The following PLEKHH2 variants were observed in gnomAD, a reference collection of about 807,000 sequenced individuals.
PLEKHH2 encodes pleckstrin homology, MyTH4 and FERM domain containing H2, also known as pleckstrin homology domain-containing family H member 2.
A neutral mutation model predicts 187.9 loss-of-function variants in PLEKHH2; 129 were observed. The ratio of observed to expected loss-of-function variants is 0.69; its 90% CI spans 0.59 to 0.79. The LOEUF is 0.79. Ranked by LOEUF, PLEKHH2 falls within the 30% of genes least tolerant of loss-of-function variation. PLEKHH2 has a pLI of 0.00. For synonymous variants in PLEKHH2, 686 were observed against 605.6 expected (o/e 1.13, Z -1.95); for missense variants, 2,076 against 1,751.2 (o/e 1.19, Z -3.31).
intron 16 of PLEKHH2, among the ~76,000 whole-genome samples, chr2:43,722,564 A>T (rs1161989995): frequency 6.6e-6 from 1 of 152,198 alleles, no homozygotes; most frequent in African/African-American, 2.4e-5. Flanking sequence ...TCTCACAGGA[A>T]ACTCTAACTG....
rs111734015 is a variant in PLEKHH2 at position 43,650,650 on chromosome 2, C to CTTTTTT, written c.123+5862_123+5867dup. Reference sequence around the variant, plus strand: ...CATTACCTTTCTTCTTTTCTTTTTTCTTTTTTTTTTTTTAAGTTGAAGTCT... The same window carrying CTTTTTT: ...CATTACCTTTCTTCTTTTCTTTTTTCTTTTTTTTTTTTTTTTTTTAAGTTGAAGTCT... On this transcript the variant is annotated intron_variant, in intron 2 of 29. Coordinates refer to ENST00000282406, the MANE Select transcript of PLEKHH2 (RefSeq NM_172069.4). Among the ~76,000 whole-genome samples the CTTTTTT allele has an allele frequency of 1.9e-4, 27 of 141,492 alleles. No individual in the cohort carries two copies. The South Asian group carries it at 4.0e-3, about 21-fold the overall frequency. The allele number at this position is 141,492 out of a possible 152,430, so 92.8% of individuals were successfully genotyped here.
chr2:43,668,924 A>C (rs895069088), intron 2 of PLEKHH2, among the ~76,000 whole-genome samples: 7 of 152,218 alleles, frequency 4.6e-5, no homozygotes, highest in Non-Finnish European at 1.0e-4. Context: ...GATATTATGC[A>C]CAAAGGTGGG....
chr2:43,663,886 CT>C (rs1368253346), intron 2 of PLEKHH2, among the ~76,000 whole-genome samples: 5 of 93,270 alleles, frequency 5.4e-5, no homozygotes, highest in Non-Finnish European at 2.2e-5. Flanking sequence ...GAGAGCTTTA[CT>C]TCCAACTATG....
intron 15 of PLEKHH2, among the ~76,000 whole-genome samples, chr2:43,715,917 G>T (rs1344869356): frequency 6.6e-6 from 1 of 152,138 alleles, no homozygotes; most frequent in Admixed American, 6.5e-5. Flanking sequence ...GTAGGGCAGG[G>T]GAGAGCAGGG....
In PLEKHH2 at chr2:43,703,738, C is replaced by G. The variant is rs116786535; in HGVS notation, c.1651-243C>G. Among the ~76,000 whole-genome samples the G allele has an allele frequency of 5.8e-3, 879 of 152,046 alleles. 8 individuals are homozygous for G. Among genetic ancestry groups the G allele is most frequent in the African/African-American group, 0.02 (835 of 41,446 alleles). On this transcript the variant is annotated intron_variant, in intron 8 of 29. Transcript: ENST00000282406. Reference sequence around the variant, plus strand: ...TCTTCACGTCTTCAAAATAATTTATCAAACAAAAATGTGGGAAAAAGATAA... The same window carrying G: ...TCTTCACGTCTTCAAAATAATTTATGAAACAAAAATGTGGGAAAAAGATAA...
At chr2:43,703,426 C>G (rs1669486771) in intron 8 of PLEKHH2, among the ~76,000 whole-genome samples, 1 of 152,184 alleles carries the variant, frequency 6.6e-6, no homozygotes, top group African/African-American at 2.4e-5. Context: ...ATCTCTTCTA[C>G]TTGAGTGAAA....
At chr2:43,701,223 C>T (rs1421959986) in intron 8 of PLEKHH2, among the ~76,000 whole-genome samples, 1 of 152,222 alleles carries the variant, frequency 6.6e-6, no homozygotes, top group East Asian at 1.9e-4. Context: ...GCTACTGAAG[C>T]CATGCCCCTC....
At chr2:43,727,131 G>A (rs1026046551) in intron 17 of PLEKHH2, among the ~76,000 whole-genome samples, 4 of 152,174 alleles carry the variant, frequency 2.6e-5, no homozygotes, top group South Asian at 2.1e-4. Flanking sequence ...ACAAAAGGGC[G>A]GGCTGGGTGC....
At position 43,700,329 on chromosome 2, in the gene PLEKHH2, C is replaced by A; in HGVS notation, c.1371C>A (p.His457Gln). 1 of 1,614,110 alleles carries A rather than the reference C, an allele frequency of 6.2e-7. No individual in the cohort carries two copies. The highest frequency in any genetic ancestry group is 1.1e-5 in the South Asian group (1 of 91,078). The change falls in exon 8 of 30, where the codon CAC becomes CAA. Residue 457 changes from histidine to glutamine, a missense_variant. His to Gln is a conservative substitution (Grantham distance 24). Coordinates refer to ENST00000282406, the MANE Select transcript of PLEKHH2 (RefSeq NM_172069.4). The part of the protein sequence containing the change: ...FSISVALAKR[H>Q]LSQPQLSSDR... ...TAAGTGTAGCACTAGCCAAAAGGCACTTAAGCCAGCCACAGTTAAGCTCTG... is the reference window on the plus strand; with the variant it reads ...TAAGTGTAGCACTAGCCAAAAGGCAATTAAGCCAGCCACAGTTAAGCTCTG...
intron 19 of PLEKHH2, among the ~76,000 whole-genome samples, chr2:43,737,904 C>T (rs1671371959): frequency 6.6e-6 from 1 of 152,046 alleles, no homozygotes; most frequent in Non-Finnish European, 1.5e-5. Context: ...CCACACTTCA[C>T]ATGTTCAGGA....
intron 27 of PLEKHH2, among the ~76,000 whole-genome samples, chr2:43,760,810 C>G (rs1186713850): frequency 6.6e-6 from 1 of 152,242 alleles, no homozygotes; most frequent in African/African-American, 2.4e-5. Flanking sequence ...CTCCTCCCAG[C>G]CCTGGCAACT....
intron 3 of PLEKHH2, among the ~76,000 whole-genome samples, chr2:43,685,789 G>C (rs917351320): frequency 1.6e-4 from 25 of 152,156 alleles, no homozygotes; most frequent in African/African-American, 5.8e-4. Flanking sequence ...TGGAAGCAAT[G>C]TGATCAAATC....
chr2:43,638,742 C>T (rs76705043), intron 1 of PLEKHH2, among the ~76,000 whole-genome samples: 2 of 151,952 alleles, frequency 1.3e-5, no homozygotes, highest in Non-Finnish European at 2.9e-5. Context: ...AAAAGGATGG[C>T]GGATATTGTT....
At chr2:43,710,876 AG>A in intron 14 of PLEKHH2, 2 of 1,138,700 alleles carry the variant, frequency 1.8e-6, no homozygotes, top group Non-Finnish European at 2.2e-6. Context: ...ATTTTAAGGA[AG>A]GGTTATCTGG....
chr2:43,706,927 G>A (rs189634810), intron 10 of PLEKHH2, among the ~76,000 whole-genome samples: 7 of 152,298 alleles, frequency 4.6e-5, no homozygotes, highest in Admixed American at 2.0e-4. Context: ...GCTGGGCACG[G>A]TGGCTCACGC....
rs763777313 is a variant in PLEKHH2 at position 43,760,359 on chromosome 2, C to CTTTTTTT, written c.4071+1345_4071+1351dup. Reference sequence around the variant, plus strand: ...CACATAATGAAATTTACCCTTTAACCTTTTTTTTTTTTTTTTTTTTTGAGA... The same window carrying CTTTTTTT: ...CACATAATGAAATTTACCCTTTAACCTTTTTTTTTTTTTTTTTTTTTTTTTTTTGAGA... On this transcript the variant is annotated intron_variant, in intron 27 of 29. Transcript: ENST00000282406. Among the ~76,000 whole-genome samples, 9 of 119,076 alleles carry CTTTTTTT rather than the reference C, an allele frequency of 7.6e-5. 1 individual carries two copies. Among genetic ancestry groups the CTTTTTTT allele is most frequent in the Admixed American group, 1.8e-4 (2 of 11,190 alleles). 78.1% of individuals were successfully genotyped at this position (119,076 alleles called of 152,430 possible). A position where few individuals can be genotyped will look rare whatever the true frequency, so the allele number is the denominator to read the frequency against.
rs75250841 is a variant in PLEKHH2, at chr2:43,722,639, C to T, written c.2541+1890C>T. Among the ~76,000 whole-genome samples, 1,274 of 152,212 alleles carry T rather than the reference C, an allele frequency of 8.4e-3. 17 individuals carry two copies. Among genetic ancestry groups the T allele is most frequent in the African/African-American group, 0.029 (1,204 of 41,524 alleles). On this transcript the variant is annotated intron_variant, in intron 16 of 29. Coordinates refer to ENST00000282406, the MANE Select transcript of PLEKHH2 (RefSeq NM_172069.4). ...CCCAATTTCTCTGTAATTATGAGATCTTAGAGGATGGTGATTGGAAGGCCA... is the reference window on the plus strand; with the variant it reads ...CCCAATTTCTCTGTAATTATGAGATTTTAGAGGATGGTGATTGGAAGGCCA...
At chr2:43,726,623 T>C (rs1413893533) in intron 17 of PLEKHH2, among the ~76,000 whole-genome samples, 172 bp downstream of exon 17, 3 of 152,196 alleles carry the variant, frequency 2.0e-5, no homozygotes, top group Non-Finnish European at 4.4e-5. Flanking sequence ...CGTTCAAATA[T>C]GTCATTTTCT....
chr2:43,696,566 A>G (rs1353529269), intron 6 of PLEKHH2, among the ~76,000 whole-genome samples: 2 of 151,748 alleles, frequency 1.3e-5, no homozygotes, highest in Non-Finnish European at 2.9e-5. Flanking sequence ...ACCTGTATAA[A>G]TTCTTTACTC....
Sources: allele counts gnomAD v4.1 joint callset (sites outside exome capture counted in the v4.1 genomes callset), GRCh38; gene constraint gnomAD v4.1.1; transcripts MANE v1.5; gene names NCBI Gene and HGNC (gene_info 2026-07-23, HGNC 2026-07-21).